MTERF4: variants seen among roughly 807,000 people sequenced by gnomAD.
MTERF4 encodes mitochondrial transcription termination factor 4.
Under a neutral mutation model 22.5 loss-of-function variants are expected in MTERF4, and 17 were observed. The observed-to-expected ratio is 0.75, with a 90% CI of 0.52 to 1.13. MTERF4 has a LOEUF of 1.13. Among genes scored for constraint, MTERF4 ranks in the 50% most tolerant of loss-of-function variants. The pLI is 0.00. For missense variants in MTERF4, 420 were observed against 466.8 expected, an observed-to-expected ratio of 0.90 and a Z score of 0.92; for synonymous variants, 165 against 175.3, an observed-to-expected ratio of 0.94 and a Z score of 0.47.
intron 2 of MTERF4, among the ~76,000 whole-genome samples, chr2:241,098,377 CCTT>C (rs1176753426): frequency 6.6e-6 from 1 of 152,180 alleles, no homozygotes; most frequent in East Asian, 1.9e-4. Context: ...GGATCCTAAA[CCTT>C]CTACCACTGC....
chr2:241,045,345 A>G, the MTERF4 span, among the ~76,000 whole-genome samples: 1 of 152,346 alleles, frequency 6.6e-6, no homozygotes. Context: ...TAGAAAACCA[A>G]AACAATTTTG....
At chr2:241,062,058 T>A in the MTERF4 span, among the ~76,000 whole-genome samples, 1 of 152,220 alleles carries the variant, frequency 6.6e-6, no homozygotes, top group African/African-American at 2.4e-5. Context: ...TATATCATGA[T>A]GTACTATGAA....
downstream of MTERF4, among the ~76,000 whole-genome samples, chr2:241,068,515 T>A (rs740392): frequency 0.017 from 2,636 of 152,212 alleles, 197 homozygotes; most frequent in Admixed American, 0.12. The surrounding 1 kb of genome is among the most constrained non-coding windows in gnomAD (Gnocchi z 5.3). Flanking sequence ...AGCAGCTTCC[T>A]GGGGCTGGGG....
intron 4 of MTERF4, among the ~76,000 whole-genome samples, chr2:241,078,139 C>CTT (rs1352374274): frequency 6.6e-6 from 1 of 152,090 alleles, no homozygotes; most frequent in Non-Finnish European, 1.5e-5. Context: ...AATCCCAGCA[C>CTT]TTTGGGAGGC....
At chr2:241,047,490 T>C in the MTERF4 span, among the ~76,000 whole-genome samples, 5 of 152,240 alleles carry the variant, frequency 3.3e-5, no homozygotes, top group Non-Finnish European at 7.3e-5. Context: ...TTGGCCTACT[T>C]GGCATTTATA....
the MTERF4 span, among the ~76,000 whole-genome samples, chr2:241,043,980 G>A: frequency 6.6e-6 from 1 of 152,200 alleles, no homozygotes; most frequent in Non-Finnish European, 1.5e-5. Flanking sequence ...ATTACATAAA[G>A]TGGTATATAC....
downstream of MTERF4, chr2:241,087,548 T>C (rs1286124783): frequency 1.3e-6 from 2 of 1,524,794 alleles, no homozygotes; most frequent in Middle Eastern, 2.2e-4. Flanking sequence ...GGCGGGGTGC[T>C]ATGGGATGCT....
At position 241,096,400 on chromosome 2, in the gene MTERF4, A is replaced by C; in HGVS notation, c.744T>G (p.Ile248Met). The change falls in exon 4 of 4, where the codon ATT (isoleucine) becomes ATG (methionine). Residue 248 changes from isoleucine (I) to methionine (M), a missense_variant. By Grantham distance (10) the Ile-to-Met change is conservative (BLOSUM62 1). Coordinates refer to ENST00000391980, the MANE Select transcript of MTERF4 (RefSeq NM_182501.4). The surrounding 1 kb of genome is among the most constrained non-coding windows in gnomAD (Gnocchi z 5.1). ...AATACTGCAAGTACTCACTCTTTACAATGTCTGGATGCTTAATTCCCATCC... is the reference window on the plus strand; with the variant it reads ...AATACTGCAAGTACTCACTCTTTACCATGTCTGGATGCTTAATTCCCATCC... Reference protein sequence around the residue: ...YFRMGIKHPDIVKSEYLQYSL... With the variant: ...YFRMGIKHPDMVKSEYLQYSL... 1 of 1,614,176 alleles carries C rather than the reference A, an allele frequency of 6.2e-7. No individual in the cohort carries two copies. The highest frequency in any genetic ancestry group is 8.5e-7 in the Non-Finnish European group (1 of 1,180,036).
the MTERF4 span, chr2:241,063,419 GA>G: frequency 1.6e-6 from 1 of 632,626 alleles, no homozygotes; most frequent in Non-Finnish European, 2.9e-6. Context: ...CACGCCTCCC[GA>G]GGAGGGGTGG....
At chr2:241,048,095 C>G in the MTERF4 span, among the ~76,000 whole-genome samples, 1 of 152,136 alleles carries the variant, frequency 6.6e-6, no homozygotes, top group Non-Finnish European at 1.5e-5. Context: ...GGTGGTTTCT[C>G]TGGTGCTTCT....
At chr2:241,067,494 G>A (rs191498521), downstream of MTERF4, among the ~76,000 whole-genome samples, 42 of 152,342 alleles carry the variant, frequency 2.8e-4, no homozygotes, top group African/African-American at 7.5e-4. Context: ...TCTAAATGGA[G>A]ACTAAGACCC....
At chr2:241,081,923 C>A in intron 4 of MTERF4, 1 of 716,498 alleles carries the variant, frequency 1.4e-6, no homozygotes, top group Non-Finnish European at 2.4e-6. Context: ...GAGTCTGGTG[C>A]ACGGGGCTGA....
At chr2:241,058,053 C>G in the MTERF4 span, among the ~76,000 whole-genome samples, 1 of 152,052 alleles carries the variant, frequency 6.6e-6, no homozygotes, top group Non-Finnish European at 1.5e-5. Context: ...AGCTAGCACT[C>G]TTAGACATTC....
downstream of MTERF4, chr2:241,068,061 C>T (rs1302377493): frequency 6.0e-6 from 6 of 994,090 alleles, no homozygotes; most frequent in African/African-American, 9.7e-5. The surrounding 1 kb of genome is among the most constrained non-coding windows in gnomAD (Gnocchi z 5.3). Flanking sequence ...CCACCTGCCG[C>T]TCCTCACCTG....
chr2:241,057,380 A>AAAAAATATATATATATAT, the MTERF4 span, among the ~76,000 whole-genome samples: 1 of 118,132 alleles, frequency 8.5e-6, no homozygotes, highest in African/African-American at 3.8e-5. Context: ...TCCATCTCAA[A>AAAAAATATATATATATAT]ATATATATAT....
downstream of MTERF4, chr2:241,092,406 T>A (rs2064088001): frequency 6.6e-6 from 1 of 152,182 alleles, no homozygotes; most frequent in South Asian, 2.1e-4. This position sits in a 1 kb window ranked among gnomAD's most constrained non-coding sequence, Gnocchi z 4.6. Context: ...GCGGCTATGT[T>A]CCAATAAAAA....
At chr2:241,087,321 T>C (rs1575140219), downstream of MTERF4, 7 of 1,437,322 alleles carry the variant, frequency 4.9e-6, no homozygotes, top group East Asian at 5.0e-5. Flanking sequence ...TGGGTTCACA[T>C]AGCCTAGGTT....
downstream of MTERF4, chr2:241,069,047 G>A (rs779689527): frequency 4.8e-5 from 72 of 1,501,026 alleles, no homozygotes; most frequent in East Asian, 7.9e-4. The surrounding 1 kb of genome is among the most constrained non-coding windows in gnomAD (Gnocchi z 4.9). Context: ...CGCGGCCCCC[G>A]GCACACGAAA....
In MTERF4 at chr2:241,073,239, GT is replaced by G. The variant is rs1308846847; in HGVS notation, n.2922del. The G allele has an allele frequency of 1.3e-6, 2 of 1,526,366 alleles. No individual in the cohort carries two copies. The highest frequency in any genetic ancestry group is 1.8e-6 in the Non-Finnish European group (2 of 1,125,180). 94.6% of individuals were successfully genotyped at this position (1,526,366 alleles called of 1,614,324 possible). ...ATCCCGGGTGCAAAGCAGCTGCGCC[GT>G]GTGGTCACCGCCTGGCTTCTCCTAG... On this transcript the variant is annotated non_coding_transcript_exon_variant, in exon 5 of 5. Coordinates refer to the MTERF4 transcript ENST00000464344. The surrounding 1 kb of genome is among the most constrained non-coding windows in gnomAD (Gnocchi z 6.6).
Sources: allele counts gnomAD v4.1 joint callset (sites outside exome capture counted in the v4.1 genomes callset), GRCh38; gene constraint gnomAD v4.1.1; non-coding constraint Gnocchi (gnomAD v3.1); transcripts MANE v1.5; gene names NCBI Gene and HGNC (gene_info 2026-07-23, HGNC 2026-07-21).